The following PTCHD4 variants were observed in gnomAD, a reference collection of about 807,000 sequenced individuals.
PTCHD4 encodes the protein patched domain-containing protein 4.
In PTCHD4, 33 loss-of-function variants were observed where a neutral mutation model predicts 58.1. The observed-to-expected ratio is 0.57, with a 90% CI of 0.43 to 0.76. The LOEUF is 0.76. Ranked by LOEUF, PTCHD4 falls within the 30% of genes least tolerant of loss-of-function variation. PTCHD4 has a pLI of 0.00. For missense variants in PTCHD4, 1,058 were observed against 1,027.1 expected, an observed-to-expected ratio of 1.03 and a Z score of -0.41; for synonymous variants, 478 against 409.6, an observed-to-expected ratio of 1.17 and a Z score of -2.02.
At chr6:48,072,925 A>C (rs1765001379) in intron 1 of PTCHD4, among the ~76,000 whole-genome samples, 1 of 152,124 alleles carries the variant, frequency 6.6e-6, no homozygotes. Context: ...ATTTAAAATA[A>C]GGAAGAAAAG....
chr6:47,994,318 A>T (rs1768396130), intron 4 of PTCHD4, among the ~76,000 whole-genome samples: 1 of 152,238 alleles, frequency 6.6e-6, no homozygotes, highest in African/African-American at 2.4e-5. Flanking sequence ...AATTATGCAT[A>T]GTGGGTCAAT....
intron 4 of PTCHD4, among the ~76,000 whole-genome samples, chr6:47,880,855 T>C (rs1764000106): frequency 1.3e-5 from 2 of 152,288 alleles, no homozygotes; most frequent in Non-Finnish European, 1.5e-5. Flanking sequence ...ACTTTTTTAC[T>C]AGCAAAAGGA....
At chr6:48,097,228 A>C (rs1765491262) in intron 1 of PTCHD4, among the ~76,000 whole-genome samples, 1 of 152,142 alleles carries the variant, frequency 6.6e-6, no homozygotes, top group Non-Finnish European at 1.5e-5. Context: ...TAATAGTTTT[A>C]ATTTAAAATA....
At position 47,865,133 on chromosome 6, in the gene PTCHD4, G is replaced by T. The variant is rs981816657; in HGVS notation, c.*13170C>A. 2.0e-5 allele frequency among the ~76,000 whole-genome samples: 3 copies of T among 151,892 alleles called. No homozygotes were observed. Among genetic ancestry groups the T allele is most frequent in the Non-Finnish European group, 4.4e-5 (3 of 67,902 alleles). The stretch of plus-strand genomic sequence containing the variant: ...GTAGATTAATCTAGATACTATTGTA[G>T]TGTCTCTAGCTATAATACGTGCATG... On this transcript the variant is annotated 3_prime_UTR_variant, in exon 5 of 5. Transcript: ENST00000339488.
intron 3 of PTCHD4, among the ~76,000 whole-genome samples, chr6:48,027,749 G>A (rs1450248150): frequency 1.3e-5 from 2 of 152,058 alleles, no homozygotes; most frequent in Non-Finnish European, 2.9e-5. Context: ...ATGACTATGA[G>A]AAACCTGCAA....
rs566385027 is a variant in PTCHD4, at chr6:47,882,205, C to G, written c.899-2269G>C. On this transcript the variant is annotated intron_variant, in intron 4 of 4. Coordinates refer to ENST00000339488, the MANE Select transcript of PTCHD4 (RefSeq NM_001384253.1). The stretch of plus-strand genomic sequence containing the variant: ...AGGACTCCTGCTATCTTTGTAGTCA[C>G]AAGGTGGGGAAAGGCTACATAGAGC... 3.9e-5 allele frequency among the ~76,000 whole-genome samples: 6 copies of G among 152,136 alleles called. No homozygotes were observed. In the South Asian group the frequency reaches 1.0e-3, roughly 26 times the overall value.
At chr6:48,099,875 C>T (rs562072954) in intron 1 of PTCHD4, among the ~76,000 whole-genome samples, 14 of 152,216 alleles carry the variant, frequency 9.2e-5, no homozygotes, top group African/African-American at 1.9e-4. Flanking sequence ...AAATGTCTAC[C>T]GTAAGTAGAT....
At chr6:47,904,740 C>T (rs1216174880) in intron 4 of PTCHD4, among the ~76,000 whole-genome samples, 1 of 152,084 alleles carries the variant, frequency 6.6e-6, no homozygotes, top group Non-Finnish European at 1.5e-5. Context: ...TACATTCACT[C>T]AAGAAATATT....
At chr6:48,103,586 C>A (rs1279067450) in intron 1 of PTCHD4, among the ~76,000 whole-genome samples, 1 of 152,076 alleles carries the variant, frequency 6.6e-6, no homozygotes, top group African/African-American at 2.4e-5. Context: ...AGGAATGGAA[C>A]AAAGCTGGAT....
chr6:48,056,501 T>C (rs1254428236), intron 3 of PTCHD4, among the ~76,000 whole-genome samples: 1 of 152,246 alleles, frequency 6.6e-6, no homozygotes, highest in Non-Finnish European at 1.5e-5. Flanking sequence ...TATTTTCTCA[T>C]AGTTAAATAT....
At chr6:47,940,228 A>C (rs1659546064) in intron 4 of PTCHD4, among the ~76,000 whole-genome samples, 1 of 152,060 alleles carries the variant, frequency 6.6e-6, no homozygotes, top group Non-Finnish European at 1.5e-5. Flanking sequence ...ATGCCATTAT[A>C]ATTTCACTGG....
At chr6:48,024,390 A>G (rs970158891) in intron 3 of PTCHD4, among the ~76,000 whole-genome samples, 6 of 152,088 alleles carry the variant, frequency 3.9e-5, no homozygotes, top group African/African-American at 9.7e-5. Context: ...CACTCTCAAC[A>G]CGACCTAGAA....
At chr6:47,981,187 C>T (rs571858432) in intron 4 of PTCHD4, among the ~76,000 whole-genome samples, 1 of 152,150 alleles carries the variant, frequency 6.6e-6, no homozygotes, top group Admixed American at 6.5e-5. Context: ...TATGTTGATG[C>T]CTTTGTCTCC....
chr6:48,069,661 T>TGTGTGC lies in PTCHD4; in HGVS notation c.-710_-705dup, dbSNP rs3031590. Reference sequence around the variant, plus strand: ...GAGGCATTTGCCAATAGCAGTAGCCTGTGTGCGTGTGCGTGTGCGTGTGTG... The same window carrying TGTGTGC: ...GAGGCATTTGCCAATAGCAGTAGCCTGTGTGCGTGTGCGTGTGCGTGTGCGTGTGTG... On this transcript the variant is annotated 5_prime_UTR_variant, in exon 2 of 5. Coordinates refer to ENST00000339488, the MANE Select transcript of PTCHD4 (RefSeq NM_001384253.1). Among the ~76,000 whole-genome samples, 42 of 151,948 alleles carry TGTGTGC rather than the reference T, an allele frequency of 2.8e-4. No homozygotes were observed. The highest frequency in any genetic ancestry group is 9.7e-4 in the East Asian group (5 of 5,160).
chr6:47,954,095 A>T (rs1381840611), intron 4 of PTCHD4, among the ~76,000 whole-genome samples: 2 of 152,158 alleles, frequency 1.3e-5, no homozygotes, highest in Admixed American at 1.3e-4. Flanking sequence ...GGTGGCTCAC[A>T]CCTATAATCC....
At chr6:48,054,313 T>C (rs1316415142) in intron 3 of PTCHD4, among the ~76,000 whole-genome samples, 2 of 152,292 alleles carry the variant, frequency 1.3e-5, no homozygotes, top group South Asian at 4.1e-4. Flanking sequence ...TTACAGCATG[T>C]TGGAGTTGGC....
In PTCHD4 at chr6:48,069,402, C is replaced by G. The variant is rs1045398491; in HGVS notation, c.-445G>C. The stretch of plus-strand genomic sequence containing the variant: ...CCAGGGCTCCAGGAGACAGCCTTCT[C>G]GCCCCTCCAGTTTCCCTGTGCCCTC... On this transcript the variant is annotated 5_prime_UTR_variant, in exon 2 of 5. Transcript: ENST00000339488. 3.9e-5 allele frequency among the ~76,000 whole-genome samples: 6 copies of G among 152,248 alleles called. No homozygotes were observed. The Middle Eastern group carries it at 0.01, about 259-fold the overall frequency.
chr6:47,971,313 A>T lies in PTCHD4; in HGVS notation c.898+37321T>A, dbSNP rs148108560. Among the ~76,000 whole-genome samples, 1,003 of 151,506 alleles carry T rather than the reference A, an allele frequency of 6.6e-3. 6 individuals carry two copies. Among genetic ancestry groups the T allele is most frequent in the Non-Finnish European group, 9.2e-3 (622 of 67,858 alleles). On this transcript the variant is annotated intron_variant, in intron 4 of 4. Transcript: ENST00000339488. ...AAGAAACAAGAAAGAGCTCTTTGGA[A>T]ATTGAAAGTATGATTGCTGAATAAA... is the stretch of plus-strand genomic sequence containing the variant.
chr6:47,981,719 T>A (rs1362326061), intron 4 of PTCHD4, among the ~76,000 whole-genome samples: 1 of 152,170 alleles, frequency 6.6e-6, no homozygotes, highest in African/African-American at 2.4e-5. Context: ...CCTCAAGCAG[T>A]CTTAAAATCT....
Sources: gnomAD v4.1 joint callset for allele counts (sites outside exome capture counted in the v4.1 genomes callset) on GRCh38, gnomAD v4.1.1 for gene constraint, MANE v1.5 for transcripts, NCBI Gene and HGNC (gene_info 2026-07-23, HGNC 2026-07-21) for gene names.